The following SERGEF variants were observed in gnomAD, a reference collection of about 807,000 sequenced individuals.
The protein encoded by SERGEF is secretion-regulating guanine nucleotide exchange factor.
SERGEF carries 51 observed loss-of-function variants against 50.0 expected under a neutral mutation model. That is an observed-to-expected ratio of 1.02 (90% confidence interval 0.81 to 1.29). The LOEUF (loss-of-function observed/expected upper bound fraction) is 1.29. SERGEF is among the 50% of genes most tolerant of loss of function. The pLI, the probability that SERGEF is intolerant of heterozygous loss-of-function variation, is 0.00. For synonymous variants in SERGEF, 205 were observed against 212.4 expected (o/e 0.97, Z 0.30); for missense variants, 521 against 557.0 (o/e 0.94, Z 0.65).
chr11:17,909,715 A>G (rs143287577), intron 9 of SERGEF, among the ~76,000 whole-genome samples: 54 of 152,350 alleles, frequency 3.5e-4, no homozygotes, highest in African/African-American at 1.3e-3. Context: ...CATCCTGGAT[A>G]TATCTCTCAA....
At chr11:17,812,851 T>A (rs1849899230) in intron 10 of SERGEF, among the ~76,000 whole-genome samples, 1 of 152,196 alleles carries the variant, frequency 6.6e-6, no homozygotes, top group South Asian at 2.1e-4. Flanking sequence ...TTAATCTGAG[T>A]AGCTGGAGAC....
chr11:18,005,262 T>G lies in SERGEF; in HGVS notation c.353-727A>C, dbSNP rs553198400. ...CTCACAATAAACACCTTATAAATGATAGTTATTGTTTAGATTCTAATAATC... is the reference window on the plus strand; with the variant it reads ...CTCACAATAAACACCTTATAAATGAGAGTTATTGTTTAGATTCTAATAATC... On this transcript the variant is annotated intron_variant, in intron 3 of 10. Transcript: ENST00000265965. Among the ~76,000 whole-genome samples the G allele has an allele frequency of 8.5e-5, 13 of 152,340 alleles. No homozygotes were observed. In the South Asian group the frequency reaches 2.7e-3, roughly 32 times the overall value.
At chr11:17,989,770 T>C (rs1470004609) in intron 7 of SERGEF, among the ~76,000 whole-genome samples, 1 of 152,200 alleles carries the variant, frequency 6.6e-6, no homozygotes, top group Non-Finnish European at 1.5e-5. Context: ...CTGAGATACA[T>C]TGTAAGTGAA....
intron 9 of SERGEF, among the ~76,000 whole-genome samples, chr11:17,890,025 C>T (rs573357843): frequency 4.3e-5 from 4 of 92,652 alleles, no homozygotes; most frequent in African/African-American, 1.6e-4. Flanking sequence ...TACACTTCAA[C>T]CAAAAAAAAA....
intron 10 of SERGEF, among the ~76,000 whole-genome samples, chr11:17,865,392 C>CT (rs1237828278): frequency 2.0e-5 from 3 of 151,834 alleles, no homozygotes; most frequent in Admixed American, 6.6e-5. Context: ...TTCTACTTAT[C>CT]TTTTTTTTAA....
At chr11:17,988,905 T>G (rs562418372) in intron 7 of SERGEF, 150 bp from the exon 8 acceptor site, 138 of 643,986 alleles carry the variant, frequency 2.1e-4, no homozygotes, top group Non-Finnish European at 3.3e-4. Flanking sequence ...TTACAAAATT[T>G]GTGTACACCA....
intron 10 of SERGEF, among the ~76,000 whole-genome samples, chr11:17,872,434 AC>A (rs1196712588): frequency 6.6e-6 from 1 of 152,188 alleles, no homozygotes; most frequent in Non-Finnish European, 1.5e-5. Flanking sequence ...AACAAAAGCT[AC>A]CCTGAGTAGT....
chr11:17,965,006 C>A (rs1027900529), intron 8 of SERGEF, among the ~76,000 whole-genome samples: 1 of 152,214 alleles, frequency 6.6e-6, no homozygotes, highest in Non-Finnish European at 1.5e-5. Flanking sequence ...AGTCACACCA[C>A]ACTCCTTTCT....
intron 8 of SERGEF, among the ~76,000 whole-genome samples, chr11:17,971,920 G>T (rs932940283): frequency 6.6e-6 from 1 of 152,224 alleles, no homozygotes; most frequent in African/African-American, 2.4e-5. Flanking sequence ...GAGTTTGGAA[G>T]AAGTTGATTC....
intron 9 of SERGEF, among the ~76,000 whole-genome samples, chr11:17,913,851 G>T (rs1190573269): frequency 6.6e-6 from 1 of 152,074 alleles, no homozygotes. Context: ...CCTCAGTAGA[G>T]CCCACCTTAC....
In SERGEF at chr11:17,935,513, C is replaced by A. The variant is rs549496845; in HGVS notation, c.1011+23957G>T. On this transcript the variant is annotated intron_variant, in intron 9 of 10. Transcript: ENST00000265965. ...ACCAAAAACTAAGAATGTATAGAAT[C>A]ATGTAATTTTAGAGCTGGACAGAAC... is the stretch of plus-strand genomic sequence containing the variant. Among the ~76,000 whole-genome samples, 18 of 152,122 alleles carry A rather than the reference C, an allele frequency of 1.2e-4. 1 individual carries two copies. In the East Asian group the frequency reaches 2.9e-3, roughly 24 times the overall value.
chr11:17,793,947 A>G (rs949814947), intron 10 of SERGEF, among the ~76,000 whole-genome samples: 1 of 152,252 alleles, frequency 6.6e-6, no homozygotes, highest in Admixed American at 6.5e-5. Context: ...GCTGGACACA[A>G]TACCCAAATC....
At chr11:17,999,364 G>A (rs1202633533) in intron 5 of SERGEF, 1 of 311,258 alleles carries the variant, frequency 3.2e-6, no homozygotes, top group Non-Finnish European at 6.3e-6. Flanking sequence ...AACACACAGG[G>A]TCTGTTTTAT....
intron 10 of SERGEF, among the ~76,000 whole-genome samples, chr11:17,823,408 T>C (rs573250534): frequency 2.2e-4 from 34 of 152,302 alleles, no homozygotes; most frequent in Non-Finnish European, 4.1e-4. Context: ...CCCCAACCCC[T>C]TTCCATGCTC....
intron 10 of SERGEF, among the ~76,000 whole-genome samples, chr11:17,846,206 T>C (rs1850608248): frequency 6.6e-6 from 1 of 152,208 alleles, no homozygotes; most frequent in South Asian, 2.1e-4. Context: ...CTTCGTGCTG[T>C]GCATAATGAA....
chr11:17,830,649 G>GGAGAGAGA (rs55967425), intron 10 of SERGEF, among the ~76,000 whole-genome samples: 989 of 77,726 alleles, frequency 0.013, 55 homozygotes, highest in African/African-American at 0.034. Context: ...GGAGAGGGAG[G>GGAGAGAGA]GAGAGAGAGA....
intron 9 of SERGEF, among the ~76,000 whole-genome samples, chr11:17,931,559 T>G (rs1275480280): frequency 4.6e-5 from 7 of 152,166 alleles, no homozygotes; most frequent in Non-Finnish European, 1.0e-4. Flanking sequence ...ACACAATTAC[T>G]GTCCTTAGAC....
intron 10 of SERGEF, among the ~76,000 whole-genome samples, chr11:17,818,780 T>C (rs879862526): frequency 6.6e-6 from 1 of 152,222 alleles, no homozygotes; most frequent in Non-Finnish European, 1.5e-5. Flanking sequence ...TTAAACTCTA[T>C]AGCATGGCAT....
At chr11:17,880,340 G>A (rs1441689820) in intron 9 of SERGEF, among the ~76,000 whole-genome samples, 1 of 152,184 alleles carries the variant, frequency 6.6e-6, no homozygotes, top group Non-Finnish European at 1.5e-5. Flanking sequence ...CTCTAGGTCT[G>A]TTACAGGAAG....
Sources: allele counts gnomAD v4.1 joint callset (sites outside exome capture counted in the v4.1 genomes callset), GRCh38; gene constraint gnomAD v4.1.1; transcripts MANE v1.5; gene names NCBI Gene and HGNC (gene_info 2026-07-23, HGNC 2026-07-21).